SNX13: variants seen among roughly 807,000 people sequenced by gnomAD.
The protein encoded by SNX13 is sorting nexin-13.
In SNX13, 45 loss-of-function variants were observed where a neutral mutation model predicts 133.6. The ratio of observed to expected loss-of-function variants is 0.34; its 90% CI spans 0.27 to 0.43. The LOEUF (loss-of-function observed/expected upper bound fraction) is 0.43, where lower values mean the gene tolerates loss of function less well. Among genes scored for constraint, SNX13 ranks in the 20% least tolerant of loss-of-function variants. The pLI is 1.00. For synonymous variants in SNX13, 414 were observed against 373.9 expected (o/e 1.11, Z -1.24); for missense variants, 1,032 against 1,145.1 (o/e 0.90, Z 1.43).
chr7:17,798,196 C>T (rs940613294), intron 24 of SNX13, among the ~76,000 whole-genome samples: 14 of 151,828 alleles, frequency 9.2e-5, no homozygotes, highest in African/African-American at 3.4e-4. Flanking sequence ...ACAGAGGAGG[C>T]GCTCAGTATT....
intron 1 of SNX13, among the ~76,000 whole-genome samples, chr7:17,939,827 G>A (rs1802589022): frequency 6.6e-6 from 1 of 152,196 alleles, no homozygotes. Flanking sequence ...CAAACCGGTC[G>A]GGCCGAGCAA....
intron 1 of SNX13, among the ~76,000 whole-genome samples, chr7:17,915,515 C>T (rs1474183288): frequency 6.6e-6 from 1 of 152,198 alleles, no homozygotes; most frequent in Non-Finnish European, 1.5e-5. Flanking sequence ...CCCATATAAA[C>T]ACCACACTTT....
intron 22 of SNX13, among the ~76,000 whole-genome samples, chr7:17,799,905 A>C (rs1784437409): frequency 6.6e-6 from 1 of 151,806 alleles, no homozygotes; most frequent in East Asian, 1.9e-4. Flanking sequence ...ATCACTGAGA[A>C]ACTGTTTCCA....
chr7:17,828,393 C>A (rs1280405934), intron 16 of SNX13, among the ~76,000 whole-genome samples: 4 of 151,574 alleles, frequency 2.6e-5, no homozygotes, highest in African/African-American at 4.8e-5. Flanking sequence ...TGTTTTTTAA[C>A]ACTAAGACAA....
chr7:17,911,210 G>C (rs1283648104), intron 1 of SNX13, among the ~76,000 whole-genome samples: 3 of 152,198 alleles, frequency 2.0e-5, no homozygotes, highest in Admixed American at 1.3e-4. Context: ...TGATATCCAA[G>C]GTCCCTCTCA....
chr7:17,810,147 CG>C (rs1279591613), intron 20 of SNX13, among the ~76,000 whole-genome samples: 3 of 151,742 alleles, frequency 2.0e-5, no homozygotes, highest in Non-Finnish European at 4.4e-5. Context: ...GATAGAGACA[CG>C]AAAAACGCTT....
intron 1 of SNX13, among the ~76,000 whole-genome samples, chr7:17,921,908 T>G (rs1460055307): frequency 6.6e-6 from 1 of 152,254 alleles, no homozygotes; most frequent in Non-Finnish European, 1.5e-5. Flanking sequence ...TTCAGTTATT[T>G]TAACATACAT....
At chr7:17,842,680 G>T (rs1172614999) in intron 12 of SNX13, among the ~76,000 whole-genome samples, 1 of 151,948 alleles carries the variant, frequency 6.6e-6, no homozygotes, top group Non-Finnish European at 1.5e-5. Context: ...ATTGTACTTT[G>T]TTACTGCACA....
At chr7:17,873,240 C>T (rs562809573) in intron 8 of SNX13, among the ~76,000 whole-genome samples, 15 of 152,272 alleles carry the variant, frequency 9.9e-5, no homozygotes, top group Non-Finnish European at 2.2e-4. Flanking sequence ...CATTATTTAA[C>T]TTTTCACTCT....
At chr7:17,898,730 A>G (rs1326874737) in intron 1 of SNX13, 1 of 152,228 alleles carries the variant, frequency 6.6e-6, no homozygotes, top group Non-Finnish European at 1.5e-5. Flanking sequence ...AAATGATTAG[A>G]TGACAAATAA....
At chr7:17,821,792 G>C (rs1583364621) in intron 17 of SNX13, 144 bp from the exon 18 acceptor site, 2 of 898,164 alleles carry the variant, frequency 2.2e-6, no homozygotes, top group East Asian at 5.4e-5. Flanking sequence ...GACAGACTGA[G>C]ACAGAAGGAT....
chr7:17,816,033 GC>G (rs1324966354), intron 19 of SNX13, 148 bp downstream of exon 19: 14 of 758,620 alleles, frequency 1.8e-5, no homozygotes, highest in Non-Finnish European at 2.8e-5. Context: ...TAAGCAGACT[GC>G]ACGTCACATT....
chr7:17,890,153 T>A, intron 5 of SNX13: 1 of 396,398 alleles, frequency 2.5e-6, no homozygotes, highest in Non-Finnish European at 4.4e-6. Flanking sequence ...CAGGGCTTAA[T>A]CAAAATAACA....
intron 9 of SNX13, among the ~76,000 whole-genome samples, chr7:17,863,211 C>T (rs1792944952): frequency 6.6e-6 from 1 of 152,138 alleles, no homozygotes; most frequent in Non-Finnish European, 1.5e-5. Context: ...CGCTGACTGA[C>T]ATGGCCTGGG....
At chr7:17,871,301 G>A (rs1794094529) in intron 8 of SNX13, among the ~76,000 whole-genome samples, 1 of 152,094 alleles carries the variant, frequency 6.6e-6, no homozygotes, top group South Asian at 2.1e-4. Flanking sequence ...CACCGCGCCT[G>A]GCCAAGGAAT....
chr7:17,925,662 A>C (rs1180104321), intron 1 of SNX13, among the ~76,000 whole-genome samples: 1 of 152,226 alleles, frequency 6.6e-6, no homozygotes, highest in Non-Finnish European at 1.5e-5. Flanking sequence ...ATGTATGGAG[A>C]AAGTATGGAT....
intron 1 of SNX13, among the ~76,000 whole-genome samples, chr7:17,912,372 A>G (rs533466650): frequency 1.3e-4 from 20 of 152,172 alleles, no homozygotes; most frequent in Admixed American, 2.0e-4. Context: ...ACACCAGGAA[A>G]AGCTGCAGGC....
intron 1 of SNX13, chr7:17,907,157 AAGG>A (rs1298173888): frequency 1.3e-5 from 2 of 152,228 alleles, no homozygotes; most frequent in Non-Finnish European, 2.9e-5. Flanking sequence ...CTCAGCAAAC[AAGG>A]AGCCAAAGGT....
chr7:17,829,524 T>G (rs4721659), intron 16 of SNX13, among the ~76,000 whole-genome samples: 11,975 of 151,482 alleles, frequency 0.079, 661 homozygotes, highest in Middle Eastern at 0.14. Flanking sequence ...AAAAATTTTT[T>G]GTTTACAATG....
Sources: allele counts gnomAD v4.1 joint callset (sites outside exome capture counted in the v4.1 genomes callset), GRCh38; gene constraint gnomAD v4.1.1; transcripts MANE v1.5; gene names NCBI Gene and HGNC (gene_info 2026-07-23, HGNC 2026-07-21).